Variants in TMEM200A observed in about 807,000 individuals in gnomAD.
TMEM200A encodes two transmembrane C.
Under a neutral mutation model 24.3 loss-of-function variants are expected in TMEM200A, and 12 were observed. That is an observed-to-expected ratio of 0.49 (90% CI 0.32 to 0.80). The LOEUF is 0.80. TMEM200A is among the 30% of genes least tolerant of loss of function. The probability of loss-of-function intolerance (pLI) is 0.04; values close to 1 mark genes in which losing one functional copy is unlikely to be tolerated. For missense variants in TMEM200A, 545 were observed against 614.4 expected (o/e 0.89, Z 1.19); for synonymous variants, 224 against 224.4 (o/e 1.00, Z 0.02).
At chr6:130,390,609 C>T (rs1459256564) in intron 2 of TMEM200A, among the ~76,000 whole-genome samples, 1 of 152,156 alleles carries the variant, frequency 6.6e-6, no homozygotes, top group African/African-American at 2.4e-5. Flanking sequence ...GACTATTTCT[C>T]CTCCATAGCA....
intron 1 of TMEM200A, among the ~76,000 whole-genome samples, chr6:130,377,693 CA>C (rs1778494105): frequency 6.6e-6 from 1 of 152,136 alleles, no homozygotes; most frequent in Non-Finnish European, 1.5e-5. Context: ...TTTATTCATT[CA>C]ATAAACATTT....
intron 2 of TMEM200A, among the ~76,000 whole-genome samples, chr6:130,418,072 A>G (rs966399563): frequency 1.3e-5 from 2 of 152,170 alleles, no homozygotes; most frequent in Non-Finnish European, 2.9e-5. Flanking sequence ...GACCTTCACT[A>G]GTGTGAGCAC....
rs565650864 is a variant in TMEM200A, at chr6:130,371,838, C to A, written c.-81+5314C>A. 5.9e-5 allele frequency among the ~76,000 whole-genome samples: 9 copies of A among 152,300 alleles called. No individual in the cohort carries two copies. In the South Asian group the frequency reaches 1.9e-3, roughly 32 times the overall value. On this transcript the variant is annotated intron_variant, in intron 1 of 2. Transcript: ENST00000296978. ...ACCATCTGCCATGGCTTTAAATATC[C>A]TTCCTGGTGTAAGTTGATAAGAATA...
At chr6:130,434,604 A>G (rs1779956445) in intron 2 of TMEM200A, among the ~76,000 whole-genome samples, 1 of 152,176 alleles carries the variant, frequency 6.6e-6, no homozygotes, top group Admixed American at 6.5e-5. Flanking sequence ...TTAAGCTTGT[A>G]AAAAGGGTAA....
intron 2 of TMEM200A, among the ~76,000 whole-genome samples, chr6:130,403,437 G>C (rs1779132150): frequency 6.6e-6 from 1 of 151,852 alleles, no homozygotes. Flanking sequence ...TAACTTTGAG[G>C]TATTTTTAAC....
chr6:130,407,327 T>C (rs547003890), intron 2 of TMEM200A, among the ~76,000 whole-genome samples: 1 of 152,340 alleles, frequency 6.6e-6, no homozygotes, highest in South Asian at 2.1e-4. Flanking sequence ...GGTTTGGGCA[T>C]CAAGATTGTG....
At chr6:130,374,672 C>T (rs550017740) in intron 1 of TMEM200A, among the ~76,000 whole-genome samples, 17 of 152,252 alleles carry the variant, frequency 1.1e-4, no homozygotes, top group African/African-American at 4.1e-4. Flanking sequence ...AATCCACCCA[C>T]CTCAGCCTCC....
chr6:130,431,437 T>C (rs1779872075), intron 2 of TMEM200A, among the ~76,000 whole-genome samples: 1 of 152,202 alleles, frequency 6.6e-6, no homozygotes, highest in Non-Finnish European at 1.5e-5. Flanking sequence ...TTTTTAGTGA[T>C]AGTTTCTTTA....
chr6:130,440,357 C>A (rs1583237578), intron 2 of TMEM200A, 50 bp from the exon 3 acceptor site: 1 of 1,484,532 alleles, frequency 6.7e-7, no homozygotes. Flanking sequence ...GATGCTCATA[C>A]CCCAGGAACA....
At chr6:130,406,044 G>A (rs1181896389) in intron 2 of TMEM200A, among the ~76,000 whole-genome samples, 1 of 152,240 alleles carries the variant, frequency 6.6e-6, no homozygotes, top group Middle Eastern at 3.4e-3. Flanking sequence ...CAAAGTTAAT[G>A]CATTCTTTAG....
At chr6:130,401,038 A>G (rs1779071032) in intron 2 of TMEM200A, among the ~76,000 whole-genome samples, 1 of 152,022 alleles carries the variant, frequency 6.6e-6, no homozygotes, top group Non-Finnish European at 1.5e-5. Context: ...GTACCTCTTC[A>G]TTTCTGGAAA....
rs567526297 is a variant in TMEM200A at position 130,405,106 on chromosome 6, G to C, written c.-17+19870G>C. 3.3e-5 allele frequency among the ~76,000 whole-genome samples: 5 copies of C among 152,208 alleles called. No homozygotes were observed. The South Asian group carries it at 1.0e-3, about 32-fold the overall frequency. On this transcript the variant is annotated intron_variant, in intron 2 of 2. Coordinates refer to ENST00000296978, the MANE Select transcript of TMEM200A (RefSeq NM_001258277.2). ...AGGGTAGCATGACGCCTCCAGCTTT[G>C]CTCTTTTTGCTTAGGATTGCCTTGG... is the stretch of plus-strand genomic sequence containing the variant.
At chr6:130,421,610 C>G (rs58645359) in intron 2 of TMEM200A, among the ~76,000 whole-genome samples, 2 of 151,762 alleles carry the variant, frequency 1.3e-5, no homozygotes, top group Non-Finnish European at 2.9e-5. Flanking sequence ...ATTTTTAACT[C>G]TATGTAGTCC....
At chr6:130,434,375 A>G (rs2115220362) in intron 2 of TMEM200A, among the ~76,000 whole-genome samples, 1 of 152,364 alleles carries the variant, frequency 6.6e-6, no homozygotes, top group South Asian at 2.1e-4. Context: ...GATGGCTAAA[A>G]GGAATGGCTG....
chr6:130,405,848 C>G (rs1158604552), intron 2 of TMEM200A, among the ~76,000 whole-genome samples: 1 of 152,192 alleles, frequency 6.6e-6, no homozygotes, highest in Non-Finnish European at 1.5e-5. Flanking sequence ...ATGATAGACA[C>G]TGCACATGCT....
intron 2 of TMEM200A, among the ~76,000 whole-genome samples, chr6:130,434,136 C>A (rs1013511433): frequency 6.6e-6 from 1 of 152,232 alleles, no homozygotes; most frequent in African/African-American, 2.4e-5. Context: ...TAGAACATTT[C>A]AACCATACTC....
intron 1 of TMEM200A, among the ~76,000 whole-genome samples, chr6:130,376,970 A>G (rs1188961000): frequency 6.6e-6 from 1 of 152,220 alleles, no homozygotes; most frequent in Non-Finnish European, 1.5e-5. Flanking sequence ...CACAAAATTA[A>G]TGATGCTTGT....
chr6:130,442,831 T>A lies in TMEM200A; in HGVS notation c.*933T>A, dbSNP rs566604689. On this transcript the variant is annotated 3_prime_UTR_variant, in exon 3 of 3. Transcript: ENST00000296978. ...CTATTTTCCCCCGGTATTCTTTAGATCCTAGTATTTGGAAAACAATCGGCT... is the reference window on the plus strand; with the variant it reads ...CTATTTTCCCCCGGTATTCTTTAGAACCTAGTATTTGGAAAACAATCGGCT... 1.2e-5 allele frequency: 2 copies of A among 167,176 alleles called. No homozygotes were observed. The highest frequency in any genetic ancestry group is 2.1e-4 in the South Asian group (1 of 4,828). 10.4% of individuals were successfully genotyped at this position (167,176 alleles called of 1,614,324 possible). A position where few individuals can be genotyped will look rare whatever the true frequency, so the allele number is the denominator to read the frequency against.
Position 130,441,280 on chromosome 6 carries a change from T to G in TMEM200A, c.858T>G (p.Ser286Arg), listed in dbSNP as rs777720504. The change falls in exon 3 of 3, where the codon AGT (serine) becomes AGG (arginine). Residue 286 changes from serine (S) to arginine (R), a missense_variant. By Grantham distance (110) the Ser-to-Arg change is moderately radical (BLOSUM62 -1). Transcript: ENST00000296978. ...ETKSIVSSSI[S>R]AFTLPVIKLN... ...AGTCAATTGTGTCATCGTCCATCAG[T>G]GCTTTTACATTGCCTGTGATCAAAC... 1 of 1,614,132 alleles carries G rather than the reference T, an allele frequency of 6.2e-7. No individual in the cohort carries two copies. Among genetic ancestry groups the G allele is most frequent in the Non-Finnish European group, 8.5e-7 (1 of 1,179,992 alleles).
Sources: allele counts gnomAD v4.1 joint callset (sites outside exome capture counted in the v4.1 genomes callset), GRCh38; gene constraint gnomAD v4.1.1; transcripts MANE v1.5; gene names NCBI Gene and HGNC (gene_info 2026-07-23, HGNC 2026-07-21).